Variants in VWA8 observed in about 807,000 individuals in gnomAD.
The protein encoded by VWA8 is von Willebrand factor A domain containing 8.
A neutral mutation model predicts 241.5 loss-of-function variants in VWA8; 221 were observed. The ratio of observed to expected loss-of-function variants is 0.91; its 90% CI spans 0.82 to 1.02. The LOEUF is 1.02. Ranked by LOEUF, VWA8 falls within the 50% of genes least tolerant of loss-of-function variation. The probability of loss-of-function intolerance (pLI) is 0.00; values close to 1 mark genes in which losing one functional copy is unlikely to be tolerated. For synonymous variants in VWA8, 852 were observed against 827.1 expected, an observed-to-expected ratio of 1.03 and a Z score of -0.52; for missense variants, 2,322 against 2,328.7, an observed-to-expected ratio of 1.00 and a Z score of 0.06.
chr13:41,956,007 C>T (rs1199372557), intron 1 of VWA8: 1 of 152,238 alleles, frequency 6.6e-6, no homozygotes, highest in African/African-American at 2.4e-5. Flanking sequence ...CTGAGGACTG[C>T]CCAATTCACA....
rs1439940851 is a variant in VWA8 at position 41,573,506 on chromosome 13, T to TATATATATAC, written c.5370+2233_5370+2234insGTATATATAT. On this transcript the variant is annotated intron_variant, in intron 43 of 44. Transcript: ENST00000379310. The stretch of plus-strand genomic sequence containing the variant: ...AAAAAAATATATATATATATATATA[T>TATATATATAC]ACCTCTCTCTATATATACGTGTATA... Among the ~76,000 whole-genome samples the TATATATATAC allele has an allele frequency of 6.4e-4, 90 of 141,618 alleles. 1 individual carries two copies. Among genetic ancestry groups the TATATATATAC allele is most frequent in the African/African-American group, 2.4e-3 (89 of 37,370 alleles). The allele number at this position is 141,618 out of a possible 152,430, so 92.9% of individuals were successfully genotyped here.
At chr13:41,698,835 G>A (rs1444892828) in intron 29 of VWA8, among the ~76,000 whole-genome samples, 1 of 152,068 alleles carries the variant, frequency 6.6e-6, no homozygotes, top group Non-Finnish European at 1.5e-5. Flanking sequence ...CAATAGTGTC[G>A]AGGTTGAAAA....
At chr13:41,598,974 A>C (rs2044505371) in intron 40 of VWA8, among the ~76,000 whole-genome samples, 1 of 151,872 alleles carries the variant, frequency 6.6e-6, no homozygotes, top group African/African-American at 2.4e-5. Context: ...TTTTGTTACT[A>C]CTTTGGTTAT....
chr13:41,866,031 T>C lies in VWA8; in HGVS notation c.1218A>G (p.Pro406=). The change falls in exon 11 of 45, where the codon CCA becomes CCG. Residue 406 remains proline (P), a synonymous_variant. Coordinates refer to ENST00000379310, the MANE Select transcript of VWA8 (RefSeq NM_015058.2). ...IADKEVTIKV[P]AGTRLLSQPC... is the part of the protein sequence containing the mutation. ...GTTGACTTAATAGCCTGGTCCCGGC[T>C]GGCACCTATAATTAAAGAGAGGTCA... The C allele has an allele frequency of 6.2e-7, 1 of 1,613,930 alleles. No individual in the cohort carries two copies. Among genetic ancestry groups the C allele is most frequent in the Admixed American group, 1.7e-5 (1 of 60,004 alleles).
chr13:41,587,740 C>T, intron 41 of VWA8, 70 bp from the exon 42 acceptor site: 1 of 1,575,210 alleles, frequency 6.3e-7, no homozygotes, highest in Admixed American at 1.8e-5. Context: ...TCTTGGGGAT[C>T]TCACAGAAGC....
chr13:41,694,369 T>A (rs1326959602), intron 29 of VWA8, among the ~76,000 whole-genome samples: 1 of 152,020 alleles, frequency 6.6e-6, no homozygotes, highest in Non-Finnish European at 1.5e-5. Context: ...CTAAGCATGT[T>A]AACCAAGCTT....
At chr13:41,863,457 A>ATATT (rs1873140365) in intron 12 of VWA8, among the ~76,000 whole-genome samples, 1 of 98,650 alleles carries the variant, frequency 1.0e-5, no homozygotes, top group Non-Finnish European at 2.3e-5. Context: ...ATATATATTC[A>ATATT]CACACACACA....
At chr13:41,938,862 A>G (rs1044550862) in intron 2 of VWA8, among the ~76,000 whole-genome samples, 11 of 152,198 alleles carry the variant, frequency 7.2e-5, no homozygotes, top group African/African-American at 2.7e-4. Context: ...TAATTCACTA[A>G]AATTGACAAA....
At chr13:41,665,114 C>T (rs1261171263) in intron 37 of VWA8, among the ~76,000 whole-genome samples, 1 of 152,084 alleles carries the variant, frequency 6.6e-6, no homozygotes, top group African/African-American at 2.4e-5. Flanking sequence ...AATTATGTAA[C>T]TCATTGGATC....
intron 37 of VWA8, among the ~76,000 whole-genome samples, chr13:41,652,449 T>C (rs1162930992): frequency 1.3e-5 from 2 of 152,168 alleles, no homozygotes; most frequent in Non-Finnish European, 2.9e-5. Context: ...AATGATCATG[T>C]GAGAGAATGT....
At chr13:41,774,561 T>G (rs950571091) in intron 20 of VWA8, among the ~76,000 whole-genome samples, 3 of 152,250 alleles carry the variant, frequency 2.0e-5, no homozygotes, top group Non-Finnish European at 4.4e-5. Context: ...TCTTTATCTC[T>G]TTTTCATAGA....
chr13:41,784,697 CATATATATATATATAT>C lies in VWA8; in HGVS notation c.2171-812_2171-797del, dbSNP rs59582293. On this transcript the variant is annotated intron_variant, in intron 18 of 44. Coordinates refer to ENST00000379310, the MANE Select transcript of VWA8 (RefSeq NM_015058.2). The stretch of plus-strand genomic sequence containing the variant: ...CTCTCTCTTTATACATATACATATA[CATATATATATATATAT>C]ATATATATATATATATACACACACA... Among the ~76,000 whole-genome samples the C allele has an allele frequency of 1.3e-3, 77 of 57,038 alleles. 3 individuals carry two copies. Among genetic ancestry groups the C allele is most frequent in the East Asian group, 0.013 (23 of 1,752 alleles). The allele number at this position is 57,038 out of a possible 152,430, so 37.4% of individuals were successfully genotyped here.
chr13:41,573,417 C>T (rs546715314), intron 43 of VWA8, among the ~76,000 whole-genome samples: 6 of 144,494 alleles, frequency 4.2e-5, no homozygotes, highest in Admixed American at 1.4e-4. Flanking sequence ...GACTCCATCT[C>T]AAAACAAACA....
intron 37 of VWA8, among the ~76,000 whole-genome samples, chr13:41,660,409 C>A (rs572532429): frequency 6.6e-6 from 1 of 152,300 alleles, no homozygotes; most frequent in South Asian, 2.1e-4. Context: ...AGCCACCGTG[C>A]CTGGCCAGAT....
Position 41,881,370 on chromosome 13 carries a change from G to GC in VWA8, c.1080+2016dup, listed in dbSNP as rs1347668629. On this transcript the variant is annotated intron_variant, in intron 9 of 44. Transcript: ENST00000379310. ...TACTAGAACATCATAGTTTTTTTTTGCCGGGGGGGGGGGGGGGGGGGTAAG... is the reference window on the plus strand; with the variant it reads ...TACTAGAACATCATAGTTTTTTTTTGCCCGGGGGGGGGGGGGGGGGGGTAAG... Among the ~76,000 whole-genome samples the GC allele has an allele frequency of 9.7e-4, 23 of 23,814 alleles. 6 individuals are homozygous for GC. The highest frequency in any genetic ancestry group is 2.4e-3 in the South Asian group (1 of 416). The allele number at this position is 23,814 out of a possible 152,430, so 15.6% of individuals were successfully genotyped here.
At chr13:41,800,386 T>C (rs1869894282) in intron 17 of VWA8, among the ~76,000 whole-genome samples, 2 of 152,186 alleles carry the variant, frequency 1.3e-5, no homozygotes, top group Admixed American at 1.3e-4. Flanking sequence ...CTTATTATAT[T>C]TTATTCAGAA....
intron 32 of VWA8, 105 bp downstream of exon 32, chr13:41,691,215 T>C (rs2045174661): frequency 7.3e-7 from 1 of 1,373,478 alleles, no homozygotes; most frequent in African/African-American, 1.5e-5. Flanking sequence ...ACAGAAATTG[T>C]TAAAGGACAG....
chr13:41,873,752 G>A (rs1308547263), intron 9 of VWA8, among the ~76,000 whole-genome samples: 1 of 152,118 alleles, frequency 6.6e-6, no homozygotes, highest in Non-Finnish European at 1.5e-5. Flanking sequence ...TTCTACCAGA[G>A]GTACAAGGAG....
chr13:41,654,647 C>T (rs1335761828), intron 37 of VWA8, among the ~76,000 whole-genome samples: 1 of 152,198 alleles, frequency 6.6e-6, no homozygotes, highest in East Asian at 1.9e-4. Context: ...TGATCACCTG[C>T]CAGCTCCTCA....
Sources: gnomAD v4.1 joint callset for allele counts (sites outside exome capture counted in the v4.1 genomes callset) on GRCh38, gnomAD v4.1.1 for gene constraint, MANE v1.5 for transcripts, NCBI Gene and HGNC (gene_info 2026-07-23, HGNC 2026-07-21) for gene names.